The following NBEA variants were observed in gnomAD, a reference collection of about 807,000 sequenced individuals.
The protein encoded by NBEA is neurobeachin, also known as lysosomal-trafficking regulator 2.
NBEA carries 44 observed loss-of-function variants against 343.4 expected under a neutral mutation model. The observed-to-expected ratio is 0.13, with a 90% CI of 0.10 to 0.16. NBEA has a LOEUF of 0.16. Ranked by LOEUF, NBEA falls within the 10% of genes least tolerant of loss-of-function variation. The pLI, the probability that NBEA is intolerant of heterozygous loss-of-function variation, is 1.00. For synonymous variants in NBEA, 1,175 were observed against 1,238.7 expected (o/e 0.95, Z 1.08); for missense variants, 2,555 against 3,631.3 (o/e 0.70, Z 7.62).
chr13:35,204,316 A>C (rs1227413333), intron 31 of NBEA, among the ~76,000 whole-genome samples: 1 of 152,156 alleles, frequency 6.6e-6, no homozygotes, highest in South Asian at 2.1e-4. Flanking sequence ...CTGGGAAGGA[A>C]TAAAAGGTTT....
intron 1 of NBEA, among the ~76,000 whole-genome samples, chr13:35,000,842 G>T (rs940898497): frequency 6.6e-6 from 1 of 151,794 alleles, no homozygotes; most frequent in Non-Finnish European, 1.5e-5. Flanking sequence ...AATATCAATA[G>T]CAATTAAATT....
At chr13:35,610,105 G>A (rs999483847) in intron 48 of NBEA, among the ~76,000 whole-genome samples, 3 of 152,144 alleles carry the variant, frequency 2.0e-5, no homozygotes, top group Non-Finnish European at 2.9e-5. Flanking sequence ...CCTCCTTTTT[G>A]TCTTCCTCTC....
At chr13:34,956,228 C>A (rs1023570778) in intron 1 of NBEA, among the ~76,000 whole-genome samples, 2 of 152,080 alleles carry the variant, frequency 1.3e-5, no homozygotes, top group African/African-American at 2.4e-5. Context: ...AACATTTTAA[C>A]ATTTGGCATT....
chr13:35,269,186 G>A (rs1192776365), intron 34 of NBEA, among the ~76,000 whole-genome samples: 1 of 152,068 alleles, frequency 6.6e-6, no homozygotes, highest in African/African-American at 2.4e-5. Flanking sequence ...AACATAAGTT[G>A]AACCATCACA....
At chr13:35,274,923 A>G (rs1199356307) in intron 34 of NBEA, among the ~76,000 whole-genome samples, 1 of 152,238 alleles carries the variant, frequency 6.6e-6, no homozygotes, top group South Asian at 2.1e-4. Flanking sequence ...GAAAATGGCC[A>G]TACTGCCTAA....
chr13:35,280,220 G>T (rs2034956690), intron 34 of NBEA, among the ~76,000 whole-genome samples: 1 of 152,034 alleles, frequency 6.6e-6, no homozygotes, highest in Non-Finnish European at 1.5e-5. Flanking sequence ...TACTTAAAAA[G>T]ATTATATAGG....
In NBEA at chr13:35,148,375, A is replaced by C. The variant is rs73502417; in HGVS notation, c.2445+5998A>C. ...ACAGAGTTGAGTAGTTGTAATGGAG[A>C]TTATATGATCCACAAATCTTAAAAT... On this transcript the variant is annotated intron_variant, in intron 18 of 58. Transcript: ENST00000379939. Among the ~76,000 whole-genome samples the C allele has an allele frequency of 6.5e-3, 996 of 152,286 alleles. 11 individuals are homozygous for C. Among genetic ancestry groups the C allele is most frequent in the African/African-American group, 0.023 (953 of 41,544 alleles).
intron 34 of NBEA, among the ~76,000 whole-genome samples, chr13:35,237,707 T>C (rs2075299651): frequency 6.6e-6 from 1 of 152,200 alleles, no homozygotes. Flanking sequence ...CTTTAATGTC[T>C]ATGAAAAGAA....
At chr13:35,443,510 T>C (rs1196472134) in intron 39 of NBEA, among the ~76,000 whole-genome samples, 3 of 152,006 alleles carry the variant, frequency 2.0e-5, no homozygotes, top group African/African-American at 7.2e-5. Context: ...ATCCAACTCA[T>C]TCAAACTAAA....
At chr13:35,495,566 T>C (rs2076646916) in intron 41 of NBEA, among the ~76,000 whole-genome samples, 1 of 151,968 alleles carries the variant, frequency 6.6e-6, no homozygotes, top group Admixed American at 6.6e-5. Context: ...TATGTATCAT[T>C]TTTGCACCAC....
At chr13:35,428,913 GA>G (rs2044901628) in intron 38 of NBEA, among the ~76,000 whole-genome samples, 1 of 152,214 alleles carries the variant, frequency 6.6e-6, no homozygotes, top group African/African-American at 2.4e-5. Context: ...GATGGTGGTA[GA>G]AATCTAAGTT....
chr13:35,662,898 G>A (rs1469265288), intron 55 of NBEA, among the ~76,000 whole-genome samples: 1 of 152,098 alleles, frequency 6.6e-6, no homozygotes, highest in South Asian at 2.1e-4. Context: ...GGGTTTTCCA[G>A]TGTGCTAGTC....
intron 41 of NBEA, among the ~76,000 whole-genome samples, chr13:35,513,330 T>TA (rs370119022): frequency 1.5e-5 from 2 of 135,082 alleles, no homozygotes; most frequent in Non-Finnish European, 3.1e-5. Context: ...TTTTTTTTTT[T>TA]AGTAGAGATG....
intron 41 of NBEA, among the ~76,000 whole-genome samples, chr13:35,477,733 G>A (rs534343199): frequency 4.7e-4 from 72 of 152,200 alleles, no homozygotes; most frequent in African/African-American, 1.4e-3. Flanking sequence ...ATACTATTTC[G>A]TGTGATTTAA....
intron 38 of NBEA, among the ~76,000 whole-genome samples, chr13:35,368,125 C>A (rs1159139992): frequency 6.6e-6 from 1 of 151,382 alleles, no homozygotes; most frequent in Non-Finnish European, 1.5e-5. Flanking sequence ...TCTGTTGATA[C>A]CTACTTTAGT....
chr13:35,183,970 C>T lies in NBEA; in HGVS notation c.4832-6C>T, dbSNP rs2071502213. The stretch of plus-strand genomic sequence containing the variant: ...CTCAAATTTGATTCCATGATTTTCT[C>T]CACAGTTGTGGTCATACCATCTATC... On this transcript the variant is annotated splice_region_variant and splice_polypyrimidine_tract_variant and intron_variant, in intron 29 of 58. Transcript: ENST00000379939. 1 of 1,603,808 alleles carries T rather than the reference C, an allele frequency of 6.2e-7. No homozygotes were observed. The highest frequency in any genetic ancestry group is 8.5e-7 in the Non-Finnish European group (1 of 1,173,344).
chr13:35,635,294 A>G (rs1331229091), intron 49 of NBEA, among the ~76,000 whole-genome samples: 1 of 152,174 alleles, frequency 6.6e-6, no homozygotes, highest in Non-Finnish European at 1.5e-5. Context: ...TGCGTGAATG[A>G]GTTGTAGCAC....
In NBEA at chr13:35,566,930, A is replaced by G; in HGVS notation, c.6948A>G (p.Gln2316=). The change falls in exon 45 of 59, where the codon CAA becomes CAG. Residue 2316 remains glutamine (Q), a synonymous_variant. Coordinates refer to ENST00000379939, the MANE Select transcript of NBEA (RefSeq NM_001385012.1). The part of the protein sequence containing the change: ...IAGRTYNDLN[Q]YPVFPWVLTN... ...GACGGACATATAATGATCTGAACCAATATCCAGTGTTTCCGTGGGTGTTAA... is the reference window on the plus strand; with the variant it reads ...GACGGACATATAATGATCTGAACCAGTATCCAGTGTTTCCGTGGGTGTTAA... 1 of 1,610,636 alleles carries G rather than the reference A, an allele frequency of 6.2e-7. No homozygotes were observed. Among genetic ancestry groups the G allele is most frequent in the Non-Finnish European group, 8.5e-7 (1 of 1,177,176 alleles).
rs375827955 is a variant in NBEA, at chr13:35,048,538, C to T, written c.724-25C>T. On this transcript the variant is annotated intron_variant, in intron 4 of 58. Transcript: ENST00000379939. ...ATCACATTTCTTTAACTGATACTTTCGTACCTTTTCTCATTGCCTTGTAGG... is the reference window on the plus strand; with the variant it reads ...ATCACATTTCTTTAACTGATACTTTTGTACCTTTTCTCATTGCCTTGTAGG... 44 of 1,594,026 alleles carry T rather than the reference C, an allele frequency of 2.8e-5. No homozygotes were observed. In the East Asian group the frequency reaches 3.4e-4, roughly 12 times the overall value.
Sources: gnomAD v4.1 joint callset for allele counts (sites outside exome capture counted in the v4.1 genomes callset) on GRCh38, gnomAD v4.1.1 for gene constraint, MANE v1.5 for transcripts, NCBI Gene and HGNC (gene_info 2026-07-23, HGNC 2026-07-21) for gene names.